Variants in SNTG1 observed in about 807,000 individuals in gnomAD.
The protein encoded by SNTG1 is syntrophin gamma 1, also known as gamma-1-syntrophin.
In SNTG1, 39 loss-of-function variants were observed where a neutral mutation model predicts 74.7. The ratio of observed to expected loss-of-function variants is 0.52; its 90% CI spans 0.40 to 0.68. SNTG1 has a LOEUF of 0.68. Among genes scored for constraint, SNTG1 ranks in the 30% least tolerant of loss-of-function variants. The pLI, the probability that SNTG1 is intolerant of heterozygous loss-of-function variation, is 0.00. For synonymous variants in SNTG1, 254 were observed against 217.1 expected, an observed-to-expected ratio of 1.17 and a Z score of -1.49; for missense variants, 685 against 609.5, an observed-to-expected ratio of 1.12 and a Z score of -1.30.
intron 8 of SNTG1, among the ~76,000 whole-genome samples, chr8:50,451,201 A>T (rs2093453570): frequency 6.6e-6 from 1 of 152,248 alleles, no homozygotes; most frequent in Non-Finnish European, 1.5e-5. Flanking sequence ...ATCAATAATA[A>T]AAATAATACA....
At chr8:50,017,412 T>A (rs1219615722) in intron 1 of SNTG1, among the ~76,000 whole-genome samples, 1 of 151,872 alleles carries the variant, frequency 6.6e-6, no homozygotes, top group African/African-American at 2.4e-5. Flanking sequence ...CAGATGCAAA[T>A]CCTACTTCAT....
At chr8:50,071,810 A>T (rs1586145512) in intron 1 of SNTG1, among the ~76,000 whole-genome samples, 1 of 69,094 alleles carries the variant, frequency 1.4e-5, no homozygotes, top group African/African-American at 3.4e-5. Context: ...AGAACATACT[A>T]GTACTAAAAA....
chr8:50,434,044 C>T (rs1217740177), intron 4 of SNTG1, among the ~76,000 whole-genome samples: 2 of 148,008 alleles, frequency 1.4e-5, no homozygotes. Flanking sequence ...CCCCCCTCCC[C>T]CTACCCCATG....
At position 50,254,856 on chromosome 8, in the gene SNTG1, A is replaced by AG. The variant is rs1211534286; in HGVS notation, c.-28+82221_-28+82222insG. ...CGACAGAGCGAGACTCCTCAAAGAA[A>AG]AAAAAAAAAAAGAAAGAAAGAAAGG... On this transcript the variant is annotated intron_variant, in intron 2 of 18. Coordinates refer to ENST00000642720, the MANE Select transcript of SNTG1 (RefSeq NM_018967.5). Among the ~76,000 whole-genome samples, 8 of 140,158 alleles carry AG rather than the reference A, an allele frequency of 5.7e-5. No homozygotes were observed. The East Asian group carries it at 1.8e-3, about 31-fold the overall frequency. The allele number at this position is 140,158 out of a possible 152,430, so 91.9% of individuals were successfully genotyped here. A position where few individuals can be genotyped will look rare whatever the true frequency, so the allele number is the denominator to read the frequency against.
chr8:50,473,639 C>A (rs538642555), intron 8 of SNTG1, among the ~76,000 whole-genome samples: 4 of 152,140 alleles, frequency 2.6e-5, no homozygotes, highest in Admixed American at 2.0e-4. Context: ...GCATTTTTCA[C>A]AATAACCAAG....
chr8:50,004,388 C>T (rs1815020896), intron 1 of SNTG1, among the ~76,000 whole-genome samples: 1 of 152,088 alleles, frequency 6.6e-6, no homozygotes, highest in East Asian at 1.9e-4. Flanking sequence ...TTTCCCAAAT[C>T]TAAGTAGGAG....
Position 50,708,989 on chromosome 8 carries a change from C to T in SNTG1, c.1284+11C>T. On this transcript the variant is annotated intron_variant, in intron 17 of 18. Transcript: ENST00000642720. ...GATGCTGCAACAAAGGTAATGTGTT[C>T]AGGTCAGCTCTGAGAAATATGCTGC... 3 of 1,594,940 alleles carry T rather than the reference C, an allele frequency of 1.9e-6. No homozygotes were observed. Among genetic ancestry groups the T allele is most frequent in the Non-Finnish European group, 2.6e-6 (3 of 1,163,048 alleles).
intron 2 of SNTG1, among the ~76,000 whole-genome samples, chr8:50,318,113 G>A (rs1051740650): frequency 6.6e-6 from 1 of 151,998 alleles, no homozygotes; most frequent in Non-Finnish European, 1.5e-5. Flanking sequence ...TGGGATTACA[G>A]GCGTGAGCCA....
Position 50,781,917 on chromosome 8 carries a change from C to T in SNTG1, c.1396-10754C>T, listed in dbSNP as rs911766814. 3.9e-5 allele frequency among the ~76,000 whole-genome samples: 6 copies of T among 152,120 alleles called. No individual in the cohort carries two copies. The South Asian group carries it at 1.2e-3, about 32-fold the overall frequency. The stretch of plus-strand genomic sequence containing the variant: ...TAGGCCTGGTGGTGACAAAATCTCT[C>T]AGCATTTGCTTGTCTGTAAAGGATT... On this transcript the variant is annotated intron_variant, in intron 18 of 18. Coordinates refer to ENST00000642720, the MANE Select transcript of SNTG1 (RefSeq NM_018967.5).
At position 50,159,749 on chromosome 8, in the gene SNTG1, G is replaced by T. The variant is rs10097043; in HGVS notation, c.-102-12812G>T. 4.1e-3 allele frequency among the ~76,000 whole-genome samples: 626 copies of T among 152,200 alleles called. 3 individuals are homozygous for T. The highest frequency in any genetic ancestry group is 0.015 in the African/African-American group (604 of 41,554). ...CAATTTTATTCAGTACCTGAGCCTAGTGTTTCTATGGAGTGTTCACAGGCA... is the reference window on the plus strand; with the variant it reads ...CAATTTTATTCAGTACCTGAGCCTATTGTTTCTATGGAGTGTTCACAGGCA... On this transcript the variant is annotated intron_variant, in intron 1 of 18. Transcript: ENST00000642720.
At chr8:50,129,818 T>C (rs866513993) in intron 1 of SNTG1, among the ~76,000 whole-genome samples, 9 of 152,124 alleles carry the variant, frequency 5.9e-5, no homozygotes, top group Middle Eastern at 3.2e-3. Context: ...TTTGTTGTTG[T>C]TGTTGTTGAG....
chr8:50,282,995 A>G (rs903963749), intron 2 of SNTG1, among the ~76,000 whole-genome samples: 2 of 152,244 alleles, frequency 1.3e-5, no homozygotes, highest in Non-Finnish European at 2.9e-5. Flanking sequence ...TGAATTGGGT[A>G]GTAAACAAAT....
At chr8:50,172,656 T>C (rs2082848199) in intron 2 of SNTG1, 21 bp downstream of exon 2, 1 of 152,000 alleles carries the variant, frequency 6.6e-6, no homozygotes, top group Admixed American at 6.6e-5. Flanking sequence ...TACTTTGCAA[T>C]AACGTATCAT....
chr8:50,429,173 T>C (rs2093202331), intron 4 of SNTG1, among the ~76,000 whole-genome samples: 1 of 151,872 alleles, frequency 6.6e-6, no homozygotes, highest in Non-Finnish European at 1.5e-5. Context: ...ATGAAAGAGA[T>C]TTCAAATAGC....
intron 13 of SNTG1, among the ~76,000 whole-genome samples, chr8:50,645,326 C>A: frequency 6.7e-6 from 1 of 149,170 alleles, no homozygotes; most frequent in Middle Eastern, 3.4e-3. Flanking sequence ...TGTAGGTATC[C>A]ATTTTATTAT....
intron 2 of SNTG1, among the ~76,000 whole-genome samples, chr8:50,346,772 T>C (rs11997543): frequency 0.059 from 9,010 of 152,320 alleles, 303 homozygotes; most frequent in Non-Finnish European, 0.071. Context: ...GTGATCTGTG[T>C]AGAAGATCAA....
At chr8:50,021,537 G>C (rs987299719) in intron 1 of SNTG1, among the ~76,000 whole-genome samples, 2 of 152,124 alleles carry the variant, frequency 1.3e-5, no homozygotes, top group African/African-American at 4.8e-5. Flanking sequence ...ACTAACATGA[G>C]AACTCTGGGA....
At chr8:50,607,688 T>C (rs1445398308) in intron 13 of SNTG1, among the ~76,000 whole-genome samples, 1 of 151,660 alleles carries the variant, frequency 6.6e-6, no homozygotes, top group Non-Finnish European at 1.5e-5. Context: ...TTGTCTTTCT[T>C]TCTTTATTTT....
At chr8:50,021,694 G>A (rs1816829857) in intron 1 of SNTG1, among the ~76,000 whole-genome samples, 1 of 152,020 alleles carries the variant, frequency 6.6e-6, no homozygotes, top group Non-Finnish European at 1.5e-5. Context: ...CAGCATGTTG[G>A]GAGCCCAAAG....
Sources: allele counts gnomAD v4.1 joint callset (sites outside exome capture counted in the v4.1 genomes callset), GRCh38; gene constraint gnomAD v4.1.1; transcripts MANE v1.5; gene names NCBI Gene and HGNC (gene_info 2026-07-23, HGNC 2026-07-21).